The following NUP210L variants were observed in gnomAD, a reference collection of about 807,000 sequenced individuals.
NUP210L encodes nuclear pore membrane glycoprotein 210-like.
Under a neutral mutation model 208.5 loss-of-function variants are expected in NUP210L, and 74 were observed. The ratio of observed to expected loss-of-function variants is 0.35; its 90% CI spans 0.29 to 0.43. The LOEUF is 0.43. Ranked by LOEUF, NUP210L falls within the 20% of genes least tolerant of loss-of-function variation. The probability of loss-of-function intolerance (pLI) is 1.00; values close to 1 mark genes in which losing one functional copy is unlikely to be tolerated. For missense variants in NUP210L, 1,843 were observed against 2,289.4 expected (o/e 0.81, Z 3.98); for synonymous variants, 780 against 816.9 (o/e 0.95, Z 0.77).
At chr1:154,009,825 C>T (rs888661779) in intron 35 of NUP210L, 147 bp downstream of exon 35, 14 of 536,058 alleles carry the variant, frequency 2.6e-5, no homozygotes, top group Middle Eastern at 5.4e-4. Context: ...AAGAGTTGAA[C>T]GGGTTGAACA....
At chr1:154,018,868 A>G in intron 33 of NUP210L, 65 bp downstream of exon 33, 1 of 1,553,328 alleles carries the variant, frequency 6.4e-7, no homozygotes, top group South Asian at 1.1e-5. Flanking sequence ...TATTTTCTCT[A>G]TGCATATCCT....
intron 16 of NUP210L, among the ~76,000 whole-genome samples, chr1:154,084,401 G>A (rs146017311): frequency 3.2e-4 from 49 of 151,554 alleles, no homozygotes; most frequent in African/African-American, 1.2e-3. Context: ...TAGTAGAGAT[G>A]GGGTTTCACC....
chr1:154,023,146 G>A, exon 31 of NUP210L: 1 of 1,613,910 alleles, frequency 6.2e-7, no homozygotes, highest in Non-Finnish European at 8.5e-7. Flanking sequence ...ATAAAGCTGG[G>A]TATTGTGTGT....
chr1:154,129,716 G>A (rs951964314), intron 7 of NUP210L, among the ~76,000 whole-genome samples: 1 of 152,210 alleles, frequency 6.6e-6, no homozygotes, highest in African/African-American at 2.4e-5. Flanking sequence ...GAGACCTTCT[G>A]GCTAAAGGGA....
chr1:154,019,185 A>G (rs550860451), intron 32 of NUP210L, 116 bp from the exon 33 acceptor site: 1 of 964,966 alleles, frequency 1.0e-6, no homozygotes, highest in East Asian at 2.6e-5. Context: ...TTCCCAGGAG[A>G]AACAGCCAGC....
At chr1:154,143,193 C>T (rs1658943519) in intron 3 of NUP210L, among the ~76,000 whole-genome samples, 5 of 135,166 alleles carry the variant, frequency 3.7e-5, no homozygotes, top group Admixed American at 2.9e-4. Context: ...TGTTCCCCTC[C>T]CCCTGCCCAA....
intron 4 of NUP210L, among the ~76,000 whole-genome samples, chr1:154,140,940 G>T (rs1367164306): frequency 6.7e-6 from 1 of 148,972 alleles, no homozygotes; most frequent in African/African-American, 2.5e-5. Context: ...GTTGCAGTGA[G>T]CCAAGATCAC....
intron 8 of NUP210L, among the ~76,000 whole-genome samples, chr1:154,128,389 G>A (rs549900873): frequency 1.3e-5 from 2 of 152,142 alleles, no homozygotes; most frequent in South Asian, 2.1e-4. Context: ...GGAGACTGAG[G>A]TGGAAGGATC....
chr1:154,076,556 A>G (rs2148022714), intron 16 of NUP210L, among the ~76,000 whole-genome samples: 1 of 152,368 alleles, frequency 6.6e-6, no homozygotes, highest in Non-Finnish European at 1.5e-5. Flanking sequence ...TCTGAAGTTG[A>G]AAAGTACAAT....
chr1:154,052,539 C>T (rs1415599866), intron 25 of NUP210L, among the ~76,000 whole-genome samples: 1 of 152,148 alleles, frequency 6.6e-6, no homozygotes, highest in African/African-American at 2.4e-5. Flanking sequence ...TGGTGATCAC[C>T]GTTGCTCTGA....
chr1:154,012,499 C>T (rs1650983593), intron 33 of NUP210L, 129 bp from the exon 34 acceptor site: 1 of 830,032 alleles, frequency 1.2e-6, no homozygotes, highest in African/African-American at 1.7e-5. Flanking sequence ...ATCTCATGAC[C>T]ACATATTTGA....
intron 23 of NUP210L, among the ~76,000 whole-genome samples, chr1:154,055,948 A>G (rs1288477043): frequency 6.6e-6 from 1 of 152,120 alleles, no homozygotes; most frequent in Non-Finnish European, 1.5e-5. Flanking sequence ...AATCCCAGCT[A>G]CTCAGGAGGC....
chr1:154,001,106 C>T, intron 36 of NUP210L, 46 bp from the exon 37 acceptor site: 1 of 1,510,990 alleles, frequency 6.6e-7, no homozygotes, highest in Non-Finnish European at 9.2e-7. Context: ...GAAAAATCAA[C>T]TTTGTATCAG....
chr1:154,082,530 C>A (rs1459981139), intron 16 of NUP210L, among the ~76,000 whole-genome samples: 1 of 152,168 alleles, frequency 6.6e-6, no homozygotes. Flanking sequence ...TCAGTGAGGG[C>A]ATGGAAGCTC....
At chr1:154,101,871 C>T (rs762709642) in intron 13 of NUP210L, among the ~76,000 whole-genome samples, 24 of 151,998 alleles carry the variant, frequency 1.6e-4, no homozygotes, top group Non-Finnish European at 2.2e-4. Flanking sequence ...TTGATTTAGC[C>T]GGGCATGGTG....
intron 5 of NUP210L, among the ~76,000 whole-genome samples, chr1:154,138,765 A>C (rs1658685894): frequency 6.6e-6 from 1 of 152,222 alleles, no homozygotes; most frequent in Admixed American, 6.5e-5. Context: ...TTGTGCTTAT[A>C]ATTATAATCA....
intron 14 of NUP210L, among the ~76,000 whole-genome samples, chr1:154,096,952 G>A (rs185650707): frequency 1.3e-5 from 2 of 151,874 alleles, no homozygotes; most frequent in East Asian, 3.9e-4. Flanking sequence ...ATCATGGTGT[G>A]CACCTGTAAT....
intron 13 of NUP210L, 113 bp from the exon 14 acceptor site, chr1:154,100,256 C>T: frequency 4.5e-6 from 4 of 896,774 alleles, no homozygotes; most frequent in Admixed American, 4.6e-5. Context: ...TTAAGACCCG[C>T]CTGAAAAACA....
chr1:154,129,409 A>G, intron 7 of NUP210L, 64 bp from the exon 8 acceptor site: 1 of 958,018 alleles, frequency 1.0e-6, no homozygotes, highest in East Asian at 2.4e-5. Flanking sequence ...GTACCAAAGG[A>G]GAAAAACAAA....
Sources: allele counts gnomAD v4.1 joint callset (sites outside exome capture counted in the v4.1 genomes callset), GRCh38; gene constraint gnomAD v4.1.1; transcripts MANE v1.5; gene names NCBI Gene and HGNC (gene_info 2026-07-23, HGNC 2026-07-21).